The following LTBP1 variants were observed in gnomAD, a reference collection of about 807,000 sequenced individuals.
LTBP1 encodes the protein latent transforming growth factor beta binding protein 1.
A neutral mutation model predicts 207.6 loss-of-function variants in LTBP1; 129 were observed. That is an observed-to-expected ratio of 0.62 (90% CI 0.54 to 0.72). The LOEUF is 0.72. LTBP1 is among the 30% of genes least tolerant of loss of function. LTBP1 has a pLI of 0.00. For synonymous variants in LTBP1, 963 were observed against 833.7 expected (o/e 1.16, Z -2.67); for missense variants, 2,281 against 2,217.2 (o/e 1.03, Z -0.58).
intron 22 of LTBP1, among the ~76,000 whole-genome samples, chr2:33,305,036 G>C (rs893529781): frequency 9.8e-5 from 15 of 152,298 alleles, no homozygotes; most frequent in African/African-American, 3.6e-4. Context: ...ATAAATGGCT[G>C]GGTGCAGTGG....
intron 3 of LTBP1, among the ~76,000 whole-genome samples, chr2:33,036,599 A>G (rs2075938495): frequency 6.6e-6 from 1 of 152,066 alleles, no homozygotes; most frequent in Admixed American, 6.6e-5. Flanking sequence ...CTGGGATTAC[A>G]GGTGTGTGCC....
chr2:33,118,534 T>C (rs1305636440), intron 4 of LTBP1, among the ~76,000 whole-genome samples: 1 of 152,224 alleles, frequency 6.6e-6, no homozygotes, highest in Non-Finnish European at 1.5e-5. Flanking sequence ...TAAAGATTCC[T>C]GAAAGAAAGG....
intron 19 of LTBP1, among the ~76,000 whole-genome samples, chr2:33,285,441 C>T (rs1313058279): frequency 4.0e-4 from 53 of 133,858 alleles, no homozygotes; most frequent in Non-Finnish European, 6.7e-4. Context: ...TCTTTTCTTT[C>T]TTTCTTTTTC....
At chr2:33,373,953 A>G (rs2095104008) in intron 31 of LTBP1, among the ~76,000 whole-genome samples, 1 of 152,168 alleles carries the variant, frequency 6.6e-6, no homozygotes, top group African/African-American at 2.4e-5. Context: ...TATTCATATC[A>G]TTTTGCAAAA....
chr2:33,098,469 T>G (rs576660671), intron 3 of LTBP1, among the ~76,000 whole-genome samples: 1 of 152,318 alleles, frequency 6.6e-6, no homozygotes, highest in Admixed American at 6.5e-5. Context: ...AGTCTCACTC[T>G]GTTGCCCAGG....
intron 7 of LTBP1, among the ~76,000 whole-genome samples, chr2:33,190,713 T>C (rs552084169): frequency 2.6e-5 from 4 of 152,250 alleles, no homozygotes; most frequent in African/African-American, 7.2e-5. Context: ...AGAATATTTA[T>C]CAAGATGAGT....
In LTBP1 at chr2:33,362,991, T is replaced by C. The variant is rs145576172; in HGVS notation, c.4271-399T>C. ...TGCATTCAAGTTCCACCAAACTTTATTGGAAACTTTCTACATCTCAACTAG... is the reference window on the plus strand; with the variant it reads ...TGCATTCAAGTTCCACCAAACTTTACTGGAAACTTTCTACATCTCAACTAG... On this transcript the variant is annotated intron_variant, in intron 28 of 33. Coordinates refer to ENST00000404816, the MANE Select transcript of LTBP1 (RefSeq NM_206943.4). 7.8e-4 allele frequency among the ~76,000 whole-genome samples: 119 copies of C among 152,312 alleles called. 1 individual carries two copies. In the East Asian group the frequency reaches 0.022, roughly 28 times the overall value.
chr2:33,372,691 T>C (rs1315408389), intron 31 of LTBP1, among the ~76,000 whole-genome samples: 1 of 151,980 alleles, frequency 6.6e-6, no homozygotes, highest in African/African-American at 2.4e-5. Flanking sequence ...CTGGCCAACG[T>C]GGTGAAACCC....
intron 2 of LTBP1, among the ~76,000 whole-genome samples, chr2:32,977,460 G>A (rs1681985098): frequency 6.6e-6 from 1 of 152,224 alleles, no homozygotes; most frequent in Non-Finnish European, 1.5e-5. Context: ...GAGGGCGGCT[G>A]GAGCAATCTT....
intron 2 of LTBP1, among the ~76,000 whole-genome samples, chr2:33,011,917 G>A (rs546388768): frequency 9.2e-5 from 14 of 152,078 alleles, no homozygotes; most frequent in East Asian, 3.9e-4. Context: ...GGCCTGGTCC[G>A]TGTGTTATTT....
chr2:32,994,469 CTT>C lies in LTBP1; in HGVS notation c.566-26427_566-26426del, dbSNP rs1045137913. 2.4e-3 allele frequency among the ~76,000 whole-genome samples: 340 copies of C among 143,264 alleles called. 1 individual carries two copies. Among genetic ancestry groups the C allele is most frequent in the Middle Eastern group, 0.023 (6 of 260 alleles). The allele number at this position is 143,264 out of a possible 152,430, so 94.0% of individuals were successfully genotyped here. A position where few individuals can be genotyped will look rare whatever the true frequency, so the allele number is the denominator to read the frequency against. ...GCACGCTTATCTAATATTAGTGAGT[CTT>C]TTTTTTTTTTTTGAGATAGAGTTTC... On this transcript the variant is annotated intron_variant, in intron 2 of 33. Transcript: ENST00000404816.
chr2:33,375,446 C>T (rs530632236), intron 31 of LTBP1, among the ~76,000 whole-genome samples: 98 of 152,278 alleles, frequency 6.4e-4, no homozygotes, highest in African/African-American at 2.2e-3. Flanking sequence ...CACCTGTGCC[C>T]GGCCAGGCTC....
At chr2:32,996,066 C>A (rs1213078798) in intron 2 of LTBP1, among the ~76,000 whole-genome samples, 3 of 152,144 alleles carry the variant, frequency 2.0e-5, no homozygotes, top group African/African-American at 4.8e-5. Flanking sequence ...CCAAGAACAT[C>A]TTTTATGGCC....
chr2:32,997,216 A>G (rs114631325), intron 2 of LTBP1, among the ~76,000 whole-genome samples: 10,297 of 152,128 alleles, frequency 0.068, 684 homozygotes, highest in East Asian at 0.28. Flanking sequence ...GCTGATGCCA[A>G]TCAAAACTCA....
chr2:33,037,554 G>A (rs1045678672), intron 3 of LTBP1, among the ~76,000 whole-genome samples: 1 of 151,976 alleles, frequency 6.6e-6, no homozygotes, highest in South Asian at 2.1e-4. Context: ...AATATACATT[G>A]TGTATCTTAT....
intron 12 of LTBP1, among the ~76,000 whole-genome samples, chr2:33,257,797 T>G (rs1265002433): frequency 6.6e-6 from 1 of 152,262 alleles, no homozygotes; most frequent in Non-Finnish European, 1.5e-5. Context: ...GAGAGTAATT[T>G]AGATCCTTCA....
intron 26 of LTBP1, 22 bp downstream of exon 26, chr2:33,347,532 C>A: frequency 6.2e-7 from 1 of 1,613,408 alleles, no homozygotes. Context: ...TGACACTGTG[C>A]AAGGGAATGA....
intron 3 of LTBP1, among the ~76,000 whole-genome samples, chr2:33,050,154 C>T (rs79242413): frequency 1.5e-4 from 19 of 126,222 alleles, no homozygotes; most frequent in African/African-American, 1.4e-4. Flanking sequence ...CTTTTCTTTT[C>T]TTTTTTTTTT....
chr2:33,054,931 C>A (rs896487148), intron 3 of LTBP1, among the ~76,000 whole-genome samples: 1 of 152,132 alleles, frequency 6.6e-6, no homozygotes, highest in African/African-American at 2.4e-5. Flanking sequence ...TGGACATGGA[C>A]GAGGGGGCAG....
Sources: gnomAD v4.1 joint callset for allele counts (sites outside exome capture counted in the v4.1 genomes callset) on GRCh38, gnomAD v4.1.1 for gene constraint, MANE v1.5 for transcripts, NCBI Gene and HGNC (gene_info 2026-07-23, HGNC 2026-07-21) for gene names.